GAB2: variants seen among roughly 807,000 people sequenced by gnomAD.
The protein encoded by GAB2 is GRB2 associated binding protein 2, also known as GRB2-associated-binding protein 2.
A neutral mutation model predicts 65.5 loss-of-function variants in GAB2; 26 were observed. The observed-to-expected ratio is 0.40, with a 90% CI of 0.29 to 0.55. The LOEUF is 0.55. Among genes scored for constraint, GAB2 ranks in the 20% least tolerant of loss-of-function variants. The pLI, the probability that GAB2 is intolerant of heterozygous loss-of-function variation, is 0.53. For synonymous variants in GAB2, 321 were observed against 329.6 expected (o/e 0.97, Z 0.28); for missense variants, 884 against 875.8 (o/e 1.01, Z -0.12).
intron 1 of GAB2, among the ~76,000 whole-genome samples, chr11:78,322,798 A>G: frequency 1.2e-5 from 1 of 82,262 alleles, no homozygotes; most frequent in South Asian, 4.7e-4. Context: ...ACTGAAAAGT[A>G]AAAAAAAAAA....
At chr11:78,388,976 A>G in intron 1 of GAB2, among the ~76,000 whole-genome samples, 1 of 152,324 alleles carries the variant, frequency 6.6e-6, no homozygotes, top group South Asian at 2.1e-4. Context: ...TCTCCTAGAA[A>G]TCTACCTGAA....
At chr11:78,382,722 A>G (rs1489982806) in intron 1 of GAB2, among the ~76,000 whole-genome samples, 2 of 152,240 alleles carry the variant, frequency 1.3e-5, no homozygotes, top group East Asian at 1.9e-4. Context: ...AATAAATCCT[A>G]TTTTTCTAAA....
intron 1 of GAB2, among the ~76,000 whole-genome samples, chr11:78,361,458 G>A (rs1231826861): frequency 1.3e-5 from 2 of 152,036 alleles, no homozygotes; most frequent in East Asian, 1.9e-4. Context: ...GGAAAAAAAT[G>A]GTAACTTGGG....
At chr11:78,361,352 A>G (rs10899486) in intron 1 of GAB2, among the ~76,000 whole-genome samples, 24,186 of 152,198 alleles carry the variant, frequency 0.16, 2,578 homozygotes, top group East Asian at 0.41. Context: ...ACTACACAGA[A>G]ACCTATAAAT....
At chr11:78,416,678 A>T (rs1344241269) in intron 1 of GAB2, among the ~76,000 whole-genome samples, 1 of 149,862 alleles carries the variant, frequency 6.7e-6, no homozygotes, top group South Asian at 2.1e-4. Context: ...CCACTTCCAA[A>T]CTCCCGCGAC....
chr11:78,231,886 G>C (rs777663986), intron 3 of GAB2: 3 of 152,332 alleles, frequency 2.0e-5, no homozygotes, highest in Non-Finnish European at 4.4e-5. Flanking sequence ...ACACCATTTA[G>C]AGTTCTGTAA....
chr11:78,275,371 T>G (rs893836393), intron 2 of GAB2, among the ~76,000 whole-genome samples: 1 of 152,122 alleles, frequency 6.6e-6, no homozygotes, highest in Non-Finnish European at 1.5e-5. Context: ...TGAAATAGGC[T>G]ACTAAGCAAA....
intron 1 of GAB2, among the ~76,000 whole-genome samples, chr11:78,404,429 C>T (rs560845793): frequency 4.0e-4 from 61 of 152,220 alleles, no homozygotes; most frequent in Non-Finnish European, 6.6e-4. Flanking sequence ...TGTCTGTAGT[C>T]CCAGCTACTC....
chr11:78,409,054 T>C (rs546062098), intron 1 of GAB2, among the ~76,000 whole-genome samples: 4 of 151,930 alleles, frequency 2.6e-5, no homozygotes, highest in South Asian at 2.1e-4. Flanking sequence ...TATGGGTAGG[T>C]TGAAAGTAAA....
At chr11:78,402,632 T>C (rs1279473448) in intron 1 of GAB2, among the ~76,000 whole-genome samples, 1 of 150,958 alleles carries the variant, frequency 6.6e-6, no homozygotes, top group African/African-American at 2.4e-5. Context: ...ATTTTTGTAT[T>C]TTTGGTAGAG....
rs374228005 is a variant in GAB2, at chr11:78,226,761, C to G, written c.911G>C (p.Arg304Thr). 3.7e-5 allele frequency: 59 copies of G among 1,613,994 alleles called. No individual in the cohort carries two copies. In the African/African-American group the frequency reaches 7.1e-4, roughly 19 times the overall value. Reference protein sequence around the residue: ...TFKTPSNTLCREFGDLLVDNM... With the variant: ...TFKTPSNTLCTEFGDLLVDNM... ...GTCTACCAGGAGGTCCCCGAACTCC[C>G]TGCACAGGGTGTTGCTGGGCGTCTT... is the stretch of plus-strand genomic sequence containing the variant. The change falls in exon 4 of 10, where the codon AGG becomes ACG. Residue 304 changes from arginine (R) to threonine (T), a missense_variant. Coordinates refer to ENST00000361507, the MANE Select transcript of GAB2 (RefSeq NM_080491.3).
Position 78,250,148 on chromosome 11 carries a change from G to GTCT in GAB2, c.620+8_620+9insAGA. The GTCT allele has an allele frequency of 6.2e-7, 1 of 1,612,024 alleles. No homozygotes were observed. The highest frequency in any genetic ancestry group is 8.5e-7 in the Non-Finnish European group (1 of 1,179,760). On this transcript the variant is annotated intron_variant, in intron 3 of 9. Transcript: ENST00000361507. ...ACTAACCCACCTAATGGCTGTGGCA[G>GTCT]CCTCCTACCTTGCATTTTCTGCTCT...
intron 3 of GAB2, among the ~76,000 whole-genome samples, chr11:78,240,585 A>G (rs1172037300): frequency 6.6e-6 from 1 of 152,104 alleles, no homozygotes; most frequent in Non-Finnish European, 1.5e-5. Flanking sequence ...ATACTCTGCC[A>G]TTCCCGGGTA....
chr11:78,359,027 G>C (rs551848518), intron 1 of GAB2, among the ~76,000 whole-genome samples: 1 of 152,274 alleles, frequency 6.6e-6, no homozygotes, highest in East Asian at 1.9e-4. Flanking sequence ...AACTGGAAGA[G>C]CAATCCAAAG....
At chr11:78,375,724 G>A (rs2134732951) in intron 1 of GAB2, among the ~76,000 whole-genome samples, 1 of 152,322 alleles carries the variant, frequency 6.6e-6, no homozygotes, top group Admixed American at 6.5e-5. Context: ...TACATAGTCA[G>A]TGATATAGCC....
At chr11:78,326,909 A>C (rs1337135202) in intron 1 of GAB2, among the ~76,000 whole-genome samples, 1 of 152,240 alleles carries the variant, frequency 6.6e-6, no homozygotes, top group East Asian at 1.9e-4. Flanking sequence ...GGTAAGAAGA[A>C]GGCCTAGAAG....
intron 2 of GAB2, among the ~76,000 whole-genome samples, chr11:78,265,203 C>CACATATATAT (rs1554980506): frequency 4.8e-5 from 7 of 144,920 alleles, no homozygotes; most frequent in Non-Finnish European, 9.1e-5. Flanking sequence ...TTCTATACCA[C>CACATATATAT]ATATATATAT....
At chr11:78,338,625 T>C (rs1856041759) in intron 1 of GAB2, among the ~76,000 whole-genome samples, 1 of 152,126 alleles carries the variant, frequency 6.6e-6, no homozygotes, top group Non-Finnish European at 1.5e-5. Context: ...CAGAATTCAA[T>C]CCCATTTCTG....
At chr11:78,272,609 A>G (rs1057339291) in intron 2 of GAB2, among the ~76,000 whole-genome samples, 17 of 152,230 alleles carry the variant, frequency 1.1e-4, no homozygotes, top group African/African-American at 3.6e-4. Context: ...AGGGAAGCAG[A>G]ACAAAAAAGT....
Sources: gnomAD v4.1 joint callset for allele counts (sites outside exome capture counted in the v4.1 genomes callset) on GRCh38, gnomAD v4.1.1 for gene constraint, MANE v1.5 for transcripts, NCBI Gene and HGNC (gene_info 2026-07-23, HGNC 2026-07-21) for gene names.